Variants in CROCC2 observed in about 807,000 individuals in gnomAD.
The protein encoded by CROCC2 is ciliary rootlet coiled-coil, rootletin family member 2.
CROCC2 carries 163 observed loss-of-function variants against 177.6 expected under a neutral mutation model. That is an observed-to-expected ratio of 0.92 (90% CI 0.81 to 1.05). The LOEUF (loss-of-function observed/expected upper bound fraction) is 1.05, where lower values mean the gene tolerates loss of function less well. Ranked by LOEUF, CROCC2 falls within the 50% of genes least tolerant of loss-of-function variation. The pLI is 0.00. For missense variants in CROCC2, 1,929 were observed against 1,797.8 expected, an observed-to-expected ratio of 1.07 and a Z score of -1.32; for synonymous variants, 904 against 787.3, an observed-to-expected ratio of 1.15 and a Z score of -2.48.
In CROCC2 at chr2:240,965,511, G is replaced by A. The variant is rs567026920; in HGVS notation, c.3596G>A (p.Arg1199Gln). The A allele has an allele frequency of 1.5e-5, 23 of 1,550,252 alleles. No individual in the cohort carries two copies. Among genetic ancestry groups the A allele is most frequent in the Admixed American group, 5.9e-5 (3 of 51,006 alleles). Residue 1199 changes from arginine to glutamine, a missense_variant, in exon 23 of 32, where the codon CGG (arginine) becomes CAG (glutamine). This residue lies in a region of CROCC2 where 144 missense variants were observed against 205.2 expected (regional missense o/e 0.70). Transcript: ENST00000690015. ...AKAEAKHEGA[R>Q]KEVLGLQRKL... ...GCAGAGGCCAAGCACGAGGGTGCCCGGAAGGAGGTGGGAGGGCTGCCTGTG... is the reference window on the plus strand; with the variant it reads ...GCAGAGGCCAAGCACGAGGGTGCCCAGAAGGAGGTGGGAGGGCTGCCTGTG...
At position 240,927,540 on chromosome 2, in the gene CROCC2, ATC is replaced by A. The variant is rs1481954843; in HGVS notation, c.645+1664_645+1665del. Among the ~76,000 whole-genome samples the A allele has an allele frequency of 2.0e-5, 3 of 152,224 alleles. No homozygotes were observed. The East Asian group carries it at 5.8e-4, about 29-fold the overall frequency. Reference sequence around the variant, plus strand: ...CATCAGTTTTCTCTTCTGATGTCTAATCTCTGTTAAATTTGCCTACTTAGCTT... The same window carrying A: ...CATCAGTTTTCTCTTCTGATGTCTAATCTGTTAAATTTGCCTACTTAGCTT... On this transcript the variant is annotated intron_variant, in intron 5 of 31. Coordinates refer to ENST00000690015, the MANE Select transcript of CROCC2 (RefSeq NM_001351305.2).
Position 240,958,162 on chromosome 2 carries a change from C to A in CROCC2, c.2944-1139C>A. 1.0e-6 allele frequency: 1 copy of A among 985,392 alleles called. No individual in the cohort carries two copies. Among genetic ancestry groups the A allele is most frequent in the Non-Finnish European group, 1.2e-6 (1 of 829,912 alleles). 61.0% of individuals were successfully genotyped at this position (985,392 alleles called of 1,614,324 possible). On this transcript the variant is annotated intron_variant, in intron 19 of 31. Transcript: ENST00000690015. This position sits in a 1 kb window ranked among gnomAD's most constrained non-coding sequence, Gnocchi z 6.7. ...GGAGAGGAATGCCGGCCAAGGAGCA[C>A]CAGGCGCCAGATGACAGGACAGCGT...
At chr2:240,964,349 A>G (rs1292456467) in intron 21 of CROCC2, 117 bp from the exon 22 acceptor site, 1 of 1,245,354 alleles carries the variant, frequency 8.0e-7, no homozygotes. Flanking sequence ...GTTTGAGGAC[A>G]CTGTGCAGAG....
rs1029371347 is a variant in CROCC2 at position 240,982,858 on chromosome 2, C to T, written c.4402-22C>T. On this transcript the variant is annotated intron_variant, in intron 27 of 31. Coordinates refer to ENST00000690015, the MANE Select transcript of CROCC2 (RefSeq NM_001351305.2). The surrounding 1 kb of genome is among the most constrained non-coding windows in gnomAD (Gnocchi z 4.7). ...CCCACCCCCAGTGTCTCCAGGTGGA[C>T]CCTGTGTCTCCTTCCCCCCAGGAGC... 7.8e-6 allele frequency: 12 copies of T among 1,541,282 alleles called. No homozygotes were observed. Among genetic ancestry groups the T allele is most frequent in the African/African-American group, 1.4e-5 (1 of 72,816 alleles).
At chr2:240,986,134 G>A (rs989358468) in intron 28 of CROCC2, 10 of 350,828 alleles carry the variant, frequency 2.9e-5, no homozygotes, top group African/African-American at 6.4e-5. Flanking sequence ...CCTGCACCGC[G>A]ACTGGCTCAC....
chr2:240,937,673 A>G (rs1405761660), intron 14 of CROCC2, among the ~76,000 whole-genome samples: 1 of 152,154 alleles, frequency 6.6e-6, no homozygotes, highest in Non-Finnish European at 1.5e-5. Context: ...ATCCATTTCA[A>G]GTTTATTTTT....
In CROCC2 at chr2:240,957,111, G is replaced by A. The variant is rs572111954; in HGVS notation, c.2943+1139G>A. Reference sequence around the variant, plus strand: ...AGGGAGGGAATGGGCTCAAGGCACCGGACGCCACTCCTCTCCTTGCCAGGA... The same window carrying A: ...AGGGAGGGAATGGGCTCAAGGCACCAGACGCCACTCCTCTCCTTGCCAGGA... On this transcript the variant is annotated intron_variant, in intron 19 of 31. Coordinates refer to ENST00000690015, the MANE Select transcript of CROCC2 (RefSeq NM_001351305.2). Among the ~76,000 whole-genome samples, 9 of 152,210 alleles carry A rather than the reference G, an allele frequency of 5.9e-5. No homozygotes were observed. The South Asian group carries it at 8.3e-4, about 14-fold the overall frequency.
intron 7 of CROCC2, among the ~76,000 whole-genome samples, chr2:240,931,345 A>G (rs1453855066): frequency 6.6e-6 from 1 of 152,186 alleles, no homozygotes; most frequent in Non-Finnish European, 1.5e-5. Context: ...GGTCTCCTAC[A>G]GTGAGGGTTT....
In CROCC2 at chr2:240,993,181, G is replaced by A; in HGVS notation, c.*100G>A. The A allele has an allele frequency of 1.5e-6, 1 of 685,816 alleles. No homozygotes were observed. Among genetic ancestry groups the A allele is most frequent in the Admixed American group, 2.1e-5 (1 of 47,666 alleles). 42.5% of individuals were successfully genotyped at this position (685,816 alleles called of 1,614,324 possible). ...TGATTTCTCAGCGTCACAGTGAAAG[G>A]CACCCGTGATGAGACAGCTCGCTCT... On this transcript the variant is annotated 3_prime_UTR_variant, in exon 32 of 32. Coordinates refer to ENST00000690015, the MANE Select transcript of CROCC2 (RefSeq NM_001351305.2).
chr2:240,934,155 G>A (rs978211693), intron 11 of CROCC2, among the ~76,000 whole-genome samples, 176 bp from the exon 12 acceptor site: 55 of 139,268 alleles, frequency 3.9e-4, no homozygotes, highest in African/African-American at 1.2e-3. Flanking sequence ...CCCCTGCCCC[G>A]GAAATGAAGC....
rs1174878749 is a variant in CROCC2, at chr2:240,965,514, A to T, written c.3599A>T (p.Lys1200Met). Residue 1200 changes from lysine to methionine, a missense_variant, in exon 23 of 32, where the codon AAG (lysine) becomes ATG (methionine). Physicochemically the swap from Lys to Met is moderately conservative, Grantham distance 95. Transcript: ENST00000690015. ...GAGGCCAAGCACGAGGGTGCCCGGA[A>T]GGAGGTGGGAGGGCTGCCTGTGGTC... ...KAEAKHEGARKEVLGLQRKLA... is the reference protein window; with the variant it reads ...KAEAKHEGARMEVLGLQRKLA... The T allele has an allele frequency of 6.5e-7, 1 of 1,550,268 alleles. No homozygotes were observed. The highest frequency in any genetic ancestry group is 2.0e-5 in the Admixed American group (1 of 50,994).
intron 28 of CROCC2, 167 bp downstream of exon 28, chr2:240,983,196 C>T: frequency 1.2e-6 from 1 of 845,882 alleles, no homozygotes; most frequent in Non-Finnish European, 1.8e-6. Context: ...AGGCACCATC[C>T]AGTCCCCCGC....
At position 240,929,274 on chromosome 2, in the gene CROCC2, C is replaced by A. The variant is rs76631620; in HGVS notation, c.646-892C>A. Among the ~76,000 whole-genome samples the A allele has an allele frequency of 0.014, 2,059 of 152,168 alleles. 87 individuals are homozygous for A. The East Asian group carries it at 0.15, about 11-fold the overall frequency. ...GGTCCTCTCTGGGGGTTCTGGAGAA[C>A]GGGCAGGATGTGAGTGCTCTACCTG... is the stretch of plus-strand genomic sequence containing the variant. On this transcript the variant is annotated intron_variant, in intron 5 of 31. Coordinates refer to ENST00000690015, the MANE Select transcript of CROCC2 (RefSeq NM_001351305.2).
At chr2:240,977,905 A>G (rs867548936) in intron 27 of CROCC2, among the ~76,000 whole-genome samples, 21 of 10,272 alleles carry the variant, frequency 2.0e-3, no homozygotes, top group South Asian at 0.02. Context: ...TCCCTGCTCA[A>G]GCTCTGGGGT....
intron 2 of CROCC2, among the ~76,000 whole-genome samples, chr2:240,919,184 G>C (rs1012723477): frequency 4.0e-5 from 6 of 148,678 alleles, no homozygotes; most frequent in Non-Finnish European, 7.4e-5. Context: ...ACGGCGTGGG[G>C]GACAGTCCTG....
At chr2:240,909,196 G>T (rs2059271595) in intron 1 of CROCC2, among the ~76,000 whole-genome samples, 1 of 128,444 alleles carries the variant, frequency 7.8e-6, no homozygotes, top group African/African-American at 3.3e-5. Context: ...TCCACCTGGG[G>T]TGAGCTCTAC....
At chr2:240,926,902 A>C (rs1574753712) in intron 5 of CROCC2, among the ~76,000 whole-genome samples, 1 of 152,198 alleles carries the variant, frequency 6.6e-6, no homozygotes, top group Non-Finnish European at 1.5e-5. Flanking sequence ...GGCAGATCTC[A>C]TGTTCCCACT....
chr2:240,949,783 G>C lies in CROCC2; in HGVS notation c.2652+81G>C. On this transcript the variant is annotated intron_variant, in intron 17 of 31. Coordinates refer to ENST00000690015, the MANE Select transcript of CROCC2 (RefSeq NM_001351305.2). The surrounding 1 kb of genome is among the most constrained non-coding windows in gnomAD (Gnocchi z 4.5). The stretch of plus-strand genomic sequence containing the variant: ...AATGGCAGGCCCTTGGGAGGAGGGG[G>C]CCCTGGGAGACAGAGCTCAGAGACA... 1 of 1,395,922 alleles carries C rather than the reference G, an allele frequency of 7.2e-7. No individual in the cohort carries two copies. The highest frequency in any genetic ancestry group is 9.6e-7 in the Non-Finnish European group (1 of 1,038,762). The allele number at this position is 1,395,922 out of a possible 1,614,324, so 86.5% of individuals were successfully genotyped here. A position where few individuals can be genotyped will look rare whatever the true frequency, so the allele number is the denominator to read the frequency against.
At chr2:240,975,578 G>A (rs75685962) in intron 27 of CROCC2, among the ~76,000 whole-genome samples, 2,456 of 152,244 alleles carry the variant, frequency 0.016, 66 homozygotes, top group African/African-American at 0.052. Context: ...CTGTGCAGCC[G>A]GCAGGACGCT....
Sources: allele counts gnomAD v4.1 joint callset (sites outside exome capture counted in the v4.1 genomes callset), GRCh38; gene constraint gnomAD v4.1.1; regional missense constraint gnomAD v4.1.1; non-coding constraint Gnocchi (gnomAD v3.1); transcripts MANE v1.5; gene names NCBI Gene and HGNC (gene_info 2026-07-23, HGNC 2026-07-21).